The following ACVR2B variants were observed in gnomAD, a reference collection of about 807,000 sequenced individuals.
The protein encoded by ACVR2B is activin receptor type-2B.
In ACVR2B, 18 loss-of-function variants were observed where a neutral mutation model predicts 65.1. That is an observed-to-expected ratio of 0.28 (90% CI 0.19 to 0.41). The LOEUF (loss-of-function observed/expected upper bound fraction) is 0.41, where lower values mean the gene tolerates loss of function less well. Ranked by LOEUF, ACVR2B falls within the 10% of genes least tolerant of loss-of-function variation. The probability of loss-of-function intolerance (pLI) is 1.00; values close to 1 mark genes in which losing one functional copy is unlikely to be tolerated. For synonymous variants in ACVR2B, 298 were observed against 277.7 expected, an observed-to-expected ratio of 1.07 and a Z score of -0.73; for missense variants, 482 against 682.7, an observed-to-expected ratio of 0.71 and a Z score of 3.28.
chr3:38,457,795 C>T (rs888423397), intron 1 of ACVR2B, among the ~76,000 whole-genome samples: 1 of 152,216 alleles, frequency 6.6e-6, no homozygotes, highest in Non-Finnish European at 1.5e-5. Context: ...GTTTCTTGGC[C>T]ACTTCCTTGG....
In ACVR2B at chr3:38,477,831, A is replaced by C. The variant is rs780046163; in HGVS notation, c.261-30A>C. ...GGGGGAGTCTTGCATCCCCCAGGTGAGGGGTATATGGAAAATTCTGTGCCT... is the reference window on the plus strand; with the variant it reads ...GGGGGAGTCTTGCATCCCCCAGGTGCGGGGTATATGGAAAATTCTGTGCCT... On this transcript the variant is annotated intron_variant, in intron 2 of 10. Coordinates refer to ENST00000352511, the MANE Select transcript of ACVR2B (RefSeq NM_001106.4). This position sits in a 1 kb window ranked among gnomAD's most constrained non-coding sequence, Gnocchi z 6.7. The C allele has an allele frequency of 1.2e-6, 2 of 1,605,762 alleles. No homozygotes were observed. Among genetic ancestry groups the C allele is most frequent in the Admixed American group, 3.3e-5 (2 of 59,974 alleles).
chr3:38,482,609 A>G, intron 10 of ACVR2B, 49 bp downstream of exon 10: 2 of 1,595,586 alleles, frequency 1.3e-6, no homozygotes, highest in Non-Finnish European at 1.7e-6. Context: ...AGAAGGGAAA[A>G]CCCTTCATGT....
chr3:38,455,011 G>T (rs1424563638), intron 1 of ACVR2B, among the ~76,000 whole-genome samples: 2 of 152,228 alleles, frequency 1.3e-5, no homozygotes, highest in East Asian at 3.9e-4. Flanking sequence ...GGGAGGGGAG[G>T]GGGTGGGTAA....
intron 1 of ACVR2B, among the ~76,000 whole-genome samples, chr3:38,455,561 A>G (rs917016101): frequency 1.3e-5 from 2 of 151,658 alleles, no homozygotes; most frequent in Admixed American, 1.3e-4. Context: ...CCCTGGTTCT[A>G]CCTTCTCCTG....
chr3:38,466,506 TC>T (rs1446265005), intron 1 of ACVR2B, among the ~76,000 whole-genome samples: 3 of 110,350 alleles, frequency 2.7e-5, no homozygotes, highest in Non-Finnish European at 4.3e-5. Flanking sequence ...AACCAAAACT[TC>T]TTTTTTTTTT....
rs201145228 is a variant in ACVR2B, at chr3:38,482,312, G to C, written c.1189G>C (p.Val397Leu). 4.8e-5 allele frequency: 78 copies of C among 1,612,078 alleles called. No homozygotes were observed. The highest frequency in any genetic ancestry group is 1.0e-5 in the Non-Finnish European group (12 of 1,179,684). ...CATGGGGTTGGTGCTGTGGGAGCTT[G>C]TGTCTCGCTGCAAGGCTGCAGACGG... ...YAMGLVLWEL[V>L]SRCKAADGPV... Residue 397 changes from valine to leucine, a missense_variant, in exon 9 of 11, where the codon GTG (valine) becomes CTG (leucine). Val to Leu is a conservative substitution (Grantham distance 32). Around this residue, in one of 5 missense-constraint regions of ACVR2B, gnomAD observed 223 missense variants for 386.3 expected, o/e 0.58. Coordinates refer to ENST00000352511, the MANE Select transcript of ACVR2B (RefSeq NM_001106.4).
chr3:38,469,343 G>A (rs960187543), intron 1 of ACVR2B, among the ~76,000 whole-genome samples: 2 of 152,182 alleles, frequency 1.3e-5, no homozygotes, highest in Non-Finnish European at 2.9e-5. Context: ...ATTTAGAGAT[G>A]TGGGTTTAAG....
chr3:38,467,632 G>C (rs1453426932), intron 1 of ACVR2B, among the ~76,000 whole-genome samples: 1 of 151,686 alleles, frequency 6.6e-6, no homozygotes, highest in Non-Finnish European at 1.5e-5. Flanking sequence ...GCACCTGTAA[G>C]TCCGAGCTAC....
rs116523268 is a variant in ACVR2B, at chr3:38,491,519, G to C, written c.*8187G>C. 1 of 152,762 alleles carries C rather than the reference G, an allele frequency of 6.5e-6. No individual in the cohort carries two copies. The highest frequency in any genetic ancestry group is 1.9e-4 in the East Asian group (1 of 5,190). 9.5% of individuals were successfully genotyped at this position (152,762 alleles called of 1,614,324 possible). ...CTCAGAGCACTGCCACGAGTTAAGT[G>C]TGTGTTTAGCCAAATAATTTCTCCG... is the stretch of plus-strand genomic sequence containing the variant. On this transcript the variant is annotated 3_prime_UTR_variant, in exon 11 of 11. Transcript: ENST00000352511.
Position 38,489,605 on chromosome 3 carries a change from C to T in ACVR2B, c.*6273C>T, listed in dbSNP as rs1368316281. ...AATGTGTTTTACATTGGTGCTTCCT[C>T]CTGAGATTTCTGTTGAACAAAGGGT... On this transcript the variant is annotated 3_prime_UTR_variant, in exon 11 of 11. Transcript: ENST00000352511. 2.0e-5 allele frequency: 3 copies of T among 152,548 alleles called. No individual in the cohort carries two copies. Among genetic ancestry groups the T allele is most frequent in the Admixed American group, 1.3e-4 (2 of 15,266 alleles). 9.4% of individuals were successfully genotyped at this position (152,548 alleles called of 1,614,324 possible).
At chr3:38,473,750 A>G (rs1709859448) in intron 1 of ACVR2B, 1 of 152,252 alleles carries the variant, frequency 6.6e-6, no homozygotes, top group Admixed American at 6.5e-5. Flanking sequence ...AACCACTCTT[A>G]AAGTGCATTA....
At chr3:38,473,887 T>A (rs906598706) in intron 1 of ACVR2B, 1 of 152,370 alleles carries the variant, frequency 6.6e-6, no homozygotes, top group South Asian at 2.1e-4. Flanking sequence ...GGGGGTCAGG[T>A]GACATCTTTT....
intron 1 of ACVR2B, 101 bp downstream of exon 1, chr3:38,454,475 C>T (rs551747770): frequency 9.6e-6 from 10 of 1,043,580 alleles, no homozygotes; most frequent in Non-Finnish European, 1.1e-5. Flanking sequence ...GGGGCCTCGT[C>T]GCCGCACCAC....
At position 38,463,376 on chromosome 3, in the gene ACVR2B, G is replaced by A. The variant is rs545865944; in HGVS notation, c.52+9002G>A. On this transcript the variant is annotated intron_variant, in intron 1 of 10. Coordinates refer to ENST00000352511, the MANE Select transcript of ACVR2B (RefSeq NM_001106.4). ...TGATTTCATATGTCGTGATAATGAC[G>A]TTGGGGGTATTGGAGAAACCTGTAG... Among the ~76,000 whole-genome samples the A allele has an allele frequency of 2.0e-4, 30 of 152,354 alleles. 1 individual carries two copies. In the South Asian group the frequency reaches 5.8e-3, roughly 29 times the overall value.
intron 1 of ACVR2B, among the ~76,000 whole-genome samples, chr3:38,469,463 C>T (rs1313911855): frequency 2.6e-5 from 4 of 152,130 alleles, no homozygotes; most frequent in Admixed American, 2.6e-4. Flanking sequence ...CCAGAAGAAA[C>T]ATGTCTTTGT....
chr3:38,485,466 A>G lies in ACVR2B; in HGVS notation c.*2134A>G, dbSNP rs1710101764. 6.6e-6 allele frequency: 1 copy of G among 152,186 alleles called. No homozygotes were observed. The highest frequency in any genetic ancestry group is 1.5e-5 in the Non-Finnish European group (1 of 68,080). 9.4% of individuals were successfully genotyped at this position (152,186 alleles called of 1,614,324 possible). On this transcript the variant is annotated 3_prime_UTR_variant, in exon 11 of 11. Coordinates refer to ENST00000352511, the MANE Select transcript of ACVR2B (RefSeq NM_001106.4). ...GAGTCCACAGTGTGAGGGGCACTGC[A>G]CATGCCTGGGCATCTACCTAGTGTG...
chr3:38,459,687 A>G, intron 1 of ACVR2B: 1 of 984,380 alleles, frequency 1.0e-6, no homozygotes, highest in Non-Finnish European at 1.2e-6. Context: ...CCTCTCCCCA[A>G]AGGTATGGGT....
chr3:38,480,918 A>G (rs1035604949), intron 7 of ACVR2B, among the ~76,000 whole-genome samples: 3 of 152,130 alleles, frequency 2.0e-5, no homozygotes, highest in African/African-American at 7.2e-5. Flanking sequence ...TGAGCTTGAG[A>G]CCCTAAGGGG....
In ACVR2B at chr3:38,454,036, C is replaced by A; in HGVS notation, c.-287C>A. 2 of 141,804 alleles carry A rather than the reference C, an allele frequency of 1.4e-5. No homozygotes were observed. The highest frequency in any genetic ancestry group is 4.1e-4 in the South Asian group (2 of 4,886). 8.8% of individuals were successfully genotyped at this position (141,804 alleles called of 1,614,324 possible). ...CAGCCCCGCCGCGCTATGCCTGAGT[C>A]GGGCGCGCCCCGGCCCGTGCCCCGC... On this transcript the variant is annotated 5_prime_UTR_variant, in exon 1 of 11. It introduces an in-frame stop codon into an upstream open reading frame of the 5' UTR. Transcript: ENST00000352511.
Sources: gnomAD v4.1 joint callset for allele counts (sites outside exome capture counted in the v4.1 genomes callset) on GRCh38, gnomAD v4.1.1 for gene constraint, gnomAD v4.1.1 regional missense constraint, Gnocchi (gnomAD v3.1) non-coding constraint, MANE v1.5 for transcripts, NCBI Gene and HGNC (gene_info 2026-07-23, HGNC 2026-07-21) for gene names.